The following PTPRS variants were observed in gnomAD, a reference collection of about 807,000 sequenced individuals.
PTPRS encodes protein tyrosine phosphatase receptor type S.
In PTPRS, 63 loss-of-function variants were observed where a neutral mutation model predicts 215.3. The ratio of observed to expected loss-of-function variants is 0.29; its 90% CI spans 0.24 to 0.36. The LOEUF is 0.36. Among genes scored for constraint, PTPRS ranks in the 10% least tolerant of loss-of-function variants. The probability of loss-of-function intolerance (pLI) is 1.00; values close to 1 mark genes in which losing one functional copy is unlikely to be tolerated. For synonymous variants in PTPRS, 1,404 were observed against 1,191.4 expected, an observed-to-expected ratio of 1.18 and a Z score of -3.68; for missense variants, 2,258 against 2,825.8, an observed-to-expected ratio of 0.80 and a Z score of 4.56.
chr19:5,328,558 A>G (rs1894479481), intron 1 of PTPRS, among the ~76,000 whole-genome samples: 1 of 152,130 alleles, frequency 6.6e-6, no homozygotes, highest in Admixed American at 6.5e-5. Context: ...CTTGCCAGAC[A>G]CTACGGATAT....
chr19:5,314,758 T>G (rs762608861), intron 1 of PTPRS, among the ~76,000 whole-genome samples: 4 of 149,970 alleles, frequency 2.7e-5, no homozygotes, highest in Non-Finnish European at 5.9e-5. Flanking sequence ...CAGAGCCTTG[T>G]TAGTAGCCAG....
intron 1 of PTPRS, chr19:5,292,841 G>A (rs2048938879): frequency 6.6e-6 from 1 of 152,290 alleles, no homozygotes. Flanking sequence ...CCCCCGGGAG[G>A]TGGGGGAGGA....
intron 23 of PTPRS, chr19:5,219,087 T>C: frequency 3.0e-6 from 2 of 664,776 alleles, no homozygotes; most frequent in South Asian, 2.0e-5. Context: ...GAGTTGAAGA[T>C]AGGGGTTAAG....
chr19:5,213,502 CA>C (rs1216152854), intron 30 of PTPRS, among the ~76,000 whole-genome samples: 1 of 152,244 alleles, frequency 6.6e-6, no homozygotes, highest in African/African-American at 2.4e-5. Context: ...TCTCCTTTGA[CA>C]TGTAAGCTTT....
intron 16 of PTPRS, among the ~76,000 whole-genome samples, chr19:5,227,869 G>A (rs934823639): frequency 1.5e-4 from 23 of 152,218 alleles, no homozygotes; most frequent in Non-Finnish European, 2.4e-4. Flanking sequence ...TCCCGGGCAC[G>A]CGGACTTGCA....
At position 5,257,990 on chromosome 19, in the gene PTPRS, C is replaced by T. The variant is rs752283835; in HGVS notation, c.706+27G>A. The T allele has an allele frequency of 1.3e-6, 2 of 1,597,366 alleles. No individual in the cohort carries two copies. The highest frequency in any genetic ancestry group is 3.3e-5 in the Admixed American group (2 of 59,818). On this transcript the variant is annotated intron_variant, in intron 8 of 37. Transcript: ENST00000262963. This position sits in a 1 kb window ranked among gnomAD's most constrained non-coding sequence, Gnocchi z 4.4. Reference sequence around the variant, plus strand: ...GGGATGGGACGGGGCGGGTCCCTGCCTTTGACCTGGACGCGGCGTTCCCTA... The same window carrying T: ...GGGATGGGACGGGGCGGGTCCCTGCTTTTGACCTGGACGCGGCGTTCCCTA...
chr19:5,239,648 T>G (rs2043844067), intron 12 of PTPRS, among the ~76,000 whole-genome samples: 1 of 130,986 alleles, frequency 7.6e-6, no homozygotes. Flanking sequence ...AGAGAGAGAT[T>G]GAGACAGGGA....
At position 5,294,253 on chromosome 19, in the gene PTPRS, G is replaced by A. The variant is rs1268327174; in HGVS notation, c.-94-8019C>T. ...AGGCCACCGGCCACGGCTCTAGGAG[G>A]CAGACCCCACCATCACCCCCATTCT... On this transcript the variant is annotated intron_variant, in intron 1 of 37. Transcript: ENST00000262963. This position sits in a 1 kb window ranked among gnomAD's most constrained non-coding sequence, Gnocchi z 5.1. The A allele has an allele frequency of 1.3e-5, 2 of 152,388 alleles. No homozygotes were observed. The highest frequency in any genetic ancestry group is 4.8e-5 in the African/African-American group (2 of 41,454). 9.4% of individuals were successfully genotyped at this position (152,388 alleles called of 1,614,324 possible).
intron 30 of PTPRS, among the ~76,000 whole-genome samples, chr19:5,212,875 G>C (rs1207429874): frequency 6.7e-6 from 1 of 150,350 alleles, no homozygotes; most frequent in Non-Finnish European, 1.5e-5. Flanking sequence ...GCGCCTCCCA[G>C]TCACCATGTC....
chr19:5,273,096 C>A (rs934802998), intron 4 of PTPRS: 5 of 308,496 alleles, frequency 1.6e-5, no homozygotes, highest in South Asian at 1.0e-4. Flanking sequence ...TCCAGCTGAA[C>A]CTGAAGCCAG....
intron 1 of PTPRS, among the ~76,000 whole-genome samples, chr19:5,335,688 C>T (rs1006057011): frequency 6.6e-6 from 1 of 152,138 alleles, no homozygotes; most frequent in African/African-American, 2.4e-5. Context: ...AATCTGTCCC[C>T]ATGAAACGGG....
At position 5,307,515 on chromosome 19, in the gene PTPRS, T is replaced by TG. The variant is rs373181732; in HGVS notation, c.-94-21282dup. 6.6e-4 allele frequency among the ~76,000 whole-genome samples: 100 copies of TG among 151,896 alleles called. 2 individuals are homozygous for TG. The highest frequency in any genetic ancestry group is 2.0e-3 in the African/African-American group (83 of 41,430). ...ACTTTTAAGATACTATATTTTTAAG[T>TG]GGGGGGGAAGAAAACAAGGTACAGA... is the stretch of plus-strand genomic sequence containing the variant. On this transcript the variant is annotated intron_variant, in intron 1 of 37. Coordinates refer to ENST00000262963, the MANE Select transcript of PTPRS (RefSeq NM_002850.4).
chr19:5,279,053 G>A (rs1360290305), intron 2 of PTPRS, among the ~76,000 whole-genome samples: 2 of 151,692 alleles, frequency 1.3e-5, no homozygotes, highest in Admixed American at 6.6e-5. Context: ...AGGCGTGGTG[G>A]TGCATGCCTG....
chr19:5,229,291 G>C, intron 16 of PTPRS, 25 bp downstream of exon 16: 1 of 1,381,822 alleles, frequency 7.2e-7, no homozygotes. Flanking sequence ...ACAGCAGTAG[G>C]TGGGTGGCCA....
At chr19:5,336,018 A>AGG (rs2050487297) in intron 1 of PTPRS, among the ~76,000 whole-genome samples, 1 of 126,792 alleles carries the variant, frequency 7.9e-6, no homozygotes, top group Non-Finnish European at 1.7e-5. Context: ...GAGGAGGAGG[A>AGG]AAAAAAAAAA....
intron 33 of PTPRS, among the ~76,000 whole-genome samples, chr19:5,211,109 C>T (rs752450775): frequency 2.0e-5 from 3 of 152,356 alleles, no homozygotes; most frequent in Non-Finnish European, 2.9e-5. Flanking sequence ...CAGTTGCTTG[C>T]GTGGGCCAAG....
In PTPRS at chr19:5,222,142, T is replaced by G; in HGVS notation, c.3182A>C (p.Asn1061Thr). 2 of 1,613,248 alleles carry G rather than the reference T, an allele frequency of 1.2e-6. No individual in the cohort carries two copies. The highest frequency in any genetic ancestry group is 1.7e-6 in the Non-Finnish European group (2 of 1,179,612). The change falls in exon 19 of 38, where the codon AAC (asparagine) becomes ACC (threonine). Residue 1061 changes from asparagine to threonine, a missense_variant. Asn to Thr is a moderately conservative substitution (Grantham distance 65, BLOSUM62 0). This residue lies in a region of PTPRS where 361 missense variants were observed against 332.6 expected (regional missense o/e 1.09). Coordinates refer to ENST00000262963, the MANE Select transcript of PTPRS (RefSeq NM_002850.4). ...TCGCACCTTGTAGGGTGTGGGTGAG[T>G]TGTAGTTGTCAGGGAACTCCCAGCT... is the stretch of plus-strand genomic sequence containing the variant. ...LLSWEFPDNYNSPTPYKIQYN... is the reference protein window; with the variant it reads ...LLSWEFPDNYTSPTPYKIQYN...
intron 1 of PTPRS, among the ~76,000 whole-genome samples, chr19:5,316,384 T>A (rs2049876864): frequency 7.0e-6 from 1 of 142,948 alleles, no homozygotes; most frequent in African/African-American, 2.5e-5. Context: ...TGATTGGGTT[T>A]TTTTTTCTTT....
chr19:5,206,110 G>A lies in PTPRS; in HGVS notation c.*664C>T, dbSNP rs1035632747. 6.1e-5 allele frequency among the ~76,000 whole-genome samples: 9 copies of A among 148,574 alleles called. No individual in the cohort carries two copies. The South Asian group carries it at 1.7e-3, about 28-fold the overall frequency. On this transcript the variant is annotated 3_prime_UTR_variant, in exon 38 of 38. Transcript: ENST00000262963. ...GCCAAGGTACAGCCATGGGCCTGGCGTGCGCGTTTGCGAACGTAACTATCA... is the reference window on the plus strand; with the variant it reads ...GCCAAGGTACAGCCATGGGCCTGGCATGCGCGTTTGCGAACGTAACTATCA...
Sources: allele counts gnomAD v4.1 joint callset (sites outside exome capture counted in the v4.1 genomes callset), GRCh38; gene constraint gnomAD v4.1.1; regional missense constraint gnomAD v4.1.1; non-coding constraint Gnocchi (gnomAD v3.1); transcripts MANE v1.5; gene names NCBI Gene and HGNC (gene_info 2026-07-23, HGNC 2026-07-21).